Variants in KCNJ6 observed in about 807,000 individuals in gnomAD.
KCNJ6 encodes the protein potassium inwardly rectifying channel subfamily J member 6.
A neutral mutation model predicts 34.2 loss-of-function variants in KCNJ6; 9 were observed. That is an observed-to-expected ratio of 0.26 (90% CI 0.16 to 0.46). The LOEUF is 0.46. KCNJ6 is among the 20% of genes least tolerant of loss of function. The pLI is 1.00. For synonymous variants in KCNJ6, 196 were observed against 207.1 expected (o/e 0.95, Z 0.46); for missense variants, 236 against 531.3 (o/e 0.44, Z 5.46).
intron 2 of KCNJ6, among the ~76,000 whole-genome samples, chr21:37,761,835 T>C (rs1438984094): frequency 6.6e-6 from 1 of 152,106 alleles, no homozygotes; most frequent in Non-Finnish European, 1.5e-5. Context: ...GGTGTCTCTG[T>C]GCGTGTCTGT....
chr21:37,766,979 A>C (rs1165103494), intron 2 of KCNJ6, among the ~76,000 whole-genome samples: 1 of 152,142 alleles, frequency 6.6e-6, no homozygotes, highest in Non-Finnish European at 1.5e-5. Context: ...TTCTACCCCC[A>C]CATCCCCTGA....
At chr21:37,681,473 C>T (rs1486060097) in intron 3 of KCNJ6, among the ~76,000 whole-genome samples, 1 of 152,188 alleles carries the variant, frequency 6.6e-6, no homozygotes, top group Non-Finnish European at 1.5e-5. Context: ...GTGACAGTTG[C>T]CTGTTGGGGA....
chr21:37,860,804 T>C (rs2055591138), intron 1 of KCNJ6, among the ~76,000 whole-genome samples: 1 of 152,202 alleles, frequency 6.6e-6, no homozygotes, highest in East Asian at 1.9e-4. Context: ...CTAGCATAGT[T>C]CCCATCTTCA....
intron 2 of KCNJ6, among the ~76,000 whole-genome samples, chr21:37,730,451 T>C (rs1393173534): frequency 2.0e-5 from 3 of 152,076 alleles, no homozygotes; most frequent in Admixed American, 6.5e-5. Flanking sequence ...AGACCTACCT[T>C]GAAGAGTTAC....
rs2054262689 is a variant in KCNJ6, at chr21:37,615,276, G to A, written c.*9883C>T. The A allele has an allele frequency of 1.7e-5, 2 of 119,278 alleles. No individual in the cohort carries two copies. Among genetic ancestry groups the A allele is most frequent in the African/African-American group, 7.7e-5 (2 of 25,892 alleles). 7.4% of individuals were successfully genotyped at this position (119,278 alleles called of 1,614,324 possible). ...TTTTTTTTTTTTTTTTTTTTGAGAC[G>A]GAGTCTCGCTCTGTCGCCCAGGTCG... On this transcript the variant is annotated 3_prime_UTR_variant, in exon 4 of 4. Coordinates refer to ENST00000609713, the MANE Select transcript of KCNJ6 (RefSeq NM_002240.5).
At chr21:37,659,834 T>A (rs857967) in intron 3 of KCNJ6, among the ~76,000 whole-genome samples, 23,435 of 152,302 alleles carry the variant, frequency 0.15, 2,071 homozygotes, top group East Asian at 0.38. Flanking sequence ...GAGCAGTGAT[T>A]CAAAACCTTT....
chr21:37,842,644 C>T (rs940243419), intron 1 of KCNJ6, among the ~76,000 whole-genome samples: 2 of 152,214 alleles, frequency 1.3e-5, no homozygotes, highest in Non-Finnish European at 2.9e-5. Context: ...GTTATGTCAA[C>T]ATGCAGAGAA....
At chr21:37,767,973 T>C (rs1454618021) in intron 2 of KCNJ6, among the ~76,000 whole-genome samples, 1 of 152,168 alleles carries the variant, frequency 6.6e-6, no homozygotes, top group Non-Finnish European at 1.5e-5. Context: ...TGGGAAATCA[T>C]ATGTGAGAAC....
At chr21:37,788,368 T>C (rs1445296552) in intron 2 of KCNJ6, among the ~76,000 whole-genome samples, 1 of 152,206 alleles carries the variant, frequency 6.6e-6, no homozygotes, top group African/African-American at 2.4e-5. Context: ...TGGTTACTAA[T>C]ATAAATCAAT....
rs144210288 is a variant in KCNJ6, at chr21:37,657,884, G to A, written c.947-32400C>T. On this transcript the variant is annotated intron_variant, in intron 3 of 3. Coordinates refer to ENST00000609713, the MANE Select transcript of KCNJ6 (RefSeq NM_002240.5). ...ATCTGAGAAATCAGTATTTCACGAC[G>A]GTGTCTTTCCAGTGATGGTTCTGCA... is the stretch of plus-strand genomic sequence containing the variant. 4.2e-3 allele frequency among the ~76,000 whole-genome samples: 641 copies of A among 152,332 alleles called. 6 individuals carry two copies. The highest frequency in any genetic ancestry group is 7.1e-3 in the Non-Finnish European group (483 of 68,032).
chr21:37,820,630 A>G (rs1298420391), intron 2 of KCNJ6, among the ~76,000 whole-genome samples: 2 of 152,258 alleles, frequency 1.3e-5, no homozygotes, highest in Non-Finnish European at 2.9e-5. Context: ...TTCAGGTTCC[A>G]TAATTTACTA....
At chr21:37,651,353 C>A (rs1312280453) in intron 3 of KCNJ6, among the ~76,000 whole-genome samples, 1 of 152,280 alleles carries the variant, frequency 6.6e-6, no homozygotes, top group East Asian at 1.9e-4. Context: ...CCTCTAAAAG[C>A]AGTAAGAAGG....
intron 1 of KCNJ6, among the ~76,000 whole-genome samples, chr21:37,905,843 C>T (rs2055839072): frequency 6.6e-6 from 1 of 152,190 alleles, no homozygotes; most frequent in African/African-American, 2.4e-5. Context: ...ACCCAAGAAG[C>T]TAAGACAATT....
intron 1 of KCNJ6, among the ~76,000 whole-genome samples, chr21:37,884,578 C>T (rs370971626): frequency 2.0e-5 from 3 of 152,288 alleles, no homozygotes; most frequent in East Asian, 1.9e-4. Context: ...TTACCATTTA[C>T]TCAGAAAACT....
chr21:37,721,266 A>C (rs1257988853), intron 2 of KCNJ6, among the ~76,000 whole-genome samples: 3 of 152,234 alleles, frequency 2.0e-5, no homozygotes, highest in Non-Finnish European at 4.4e-5. Flanking sequence ...ATTTTAAAAA[A>C]AGAAAATAGC....
chr21:37,686,621 T>G (rs902531721), intron 3 of KCNJ6, among the ~76,000 whole-genome samples: 3 of 151,788 alleles, frequency 2.0e-5, no homozygotes, highest in Non-Finnish European at 4.4e-5. Context: ...GCACCCACCA[T>G]CATGCCTGGC....
intron 3 of KCNJ6, among the ~76,000 whole-genome samples, chr21:37,664,325 G>A (rs1004857830): frequency 1.3e-5 from 2 of 151,940 alleles, no homozygotes. Context: ...CAGAGAAAAA[G>A]AAATAAAGAG....
intron 3 of KCNJ6, among the ~76,000 whole-genome samples, chr21:37,672,614 T>G (rs1215315587): frequency 6.6e-6 from 1 of 152,198 alleles, no homozygotes; most frequent in Non-Finnish European, 1.5e-5. Context: ...TGGTATATCC[T>G]TAGCTTAGTA....
At position 37,625,062 on chromosome 21, in the gene KCNJ6, T is replaced by C; in HGVS notation, c.*97A>G. ...CATGTAAAAATTAAATATAAACAAA[T>C]AAAGAACAAAGCAAGAGAGACAGAA... On this transcript the variant is annotated 3_prime_UTR_variant, in exon 4 of 4. Coordinates refer to ENST00000609713, the MANE Select transcript of KCNJ6 (RefSeq NM_002240.5). 2.1e-6 allele frequency: 2 copies of C among 942,626 alleles called. No individual in the cohort carries two copies. Among genetic ancestry groups the C allele is most frequent in the Non-Finnish European group, 3.2e-6 (2 of 619,044 alleles). The allele number at this position is 942,626 out of a possible 1,614,324, so 58.4% of individuals were successfully genotyped here.
Sources: gnomAD v4.1 joint callset for allele counts (sites outside exome capture counted in the v4.1 genomes callset) on GRCh38, gnomAD v4.1.1 for gene constraint, MANE v1.5 for transcripts, NCBI Gene and HGNC (gene_info 2026-07-23, HGNC 2026-07-21) for gene names.